Variants in PIP5K1C observed in about 807,000 individuals in gnomAD.
PIP5K1C encodes the protein phosphatidylinositol-4-phosphate 5-kinase type 1 gamma, also known as phosphatidylinositol 4-phosphate 5-kinase type-1 gamma.
A neutral mutation model predicts 80.1 loss-of-function variants in PIP5K1C; 45 were observed. That is an observed-to-expected ratio of 0.56 (90% CI 0.44 to 0.72). The LOEUF is 0.72. Among genes scored for constraint, PIP5K1C ranks in the 30% least tolerant of loss-of-function variants. The probability of loss-of-function intolerance (pLI) is 0.00; values close to 1 mark genes in which losing one functional copy is unlikely to be tolerated. For missense variants in PIP5K1C, 753 were observed against 954.6 expected, an observed-to-expected ratio of 0.79 and a Z score of 2.78; for synonymous variants, 498 against 420.1, an observed-to-expected ratio of 1.19 and a Z score of -2.27.
intron 1 of PIP5K1C, among the ~76,000 whole-genome samples, chr19:3,671,871 A>G (rs2035217035): frequency 6.6e-6 from 1 of 152,224 alleles, no homozygotes; most frequent in African/African-American, 2.4e-5. Flanking sequence ...GCTCAGCCTG[A>G]GACGTGACTA....
chr19:3,666,887 C>T (rs956430548), intron 2 of PIP5K1C, among the ~76,000 whole-genome samples: 20 of 152,376 alleles, frequency 1.3e-4, no homozygotes, highest in African/African-American at 4.8e-4. Context: ...ACACTGAGGG[C>T]GTGGGTGCAG....
In PIP5K1C at chr19:3,700,451, C is replaced by T; in HGVS notation, c.-61G>A. 6.4e-6 allele frequency: 6 copies of T among 934,384 alleles called. No homozygotes were observed. The highest frequency in any genetic ancestry group is 7.7e-6 in the Non-Finnish European group (6 of 775,352). The allele number at this position is 934,384 out of a possible 1,614,324, so 57.9% of individuals were successfully genotyped here. A position where few individuals can be genotyped will look rare whatever the true frequency, so the allele number is the denominator to read the frequency against. On this transcript the variant is annotated 5_prime_UTR_variant, in exon 1 of 18. Coordinates refer to ENST00000335312, the MANE Select transcript of PIP5K1C (RefSeq NM_012398.3). Reference sequence around the variant, plus strand: ...GGACCCGAGCTGCGACCGCCGCCGCCGAACAACAAGCGCCGCCGGCCAAGG... The same window carrying T: ...GGACCCGAGCTGCGACCGCCGCCGCTGAACAACAAGCGCCGCCGGCCAAGG...
Position 3,637,378 on chromosome 19 carries a change from C to G in PIP5K1C, c.1920+1506G>C, listed in dbSNP as rs916667965. The G allele has an allele frequency of 3.1e-5, 48 of 1,535,332 alleles. No individual in the cohort carries two copies. Among genetic ancestry groups the G allele is most frequent in the Non-Finnish European group, 4.2e-5 (48 of 1,146,728 alleles). On this transcript the variant is annotated intron_variant, in intron 16 of 17. Transcript: ENST00000335312. The surrounding 1 kb of genome is among the most constrained non-coding windows in gnomAD (Gnocchi z 7.0). ...ATGCAGCCCAGCGCCTGGTCCGGGGCCAGCGTGGCTGACCTCAATTGCAGC... is the reference window on the plus strand; with the variant it reads ...ATGCAGCCCAGCGCCTGGTCCGGGGGCAGCGTGGCTGACCTCAATTGCAGC...
chr19:3,659,145 G>T (rs528755347), intron 5 of PIP5K1C, among the ~76,000 whole-genome samples: 1 of 152,152 alleles, frequency 6.6e-6, no homozygotes, highest in Non-Finnish European at 1.5e-5. Context: ...AGTCCCCTCC[G>T]AACCCTACCT....
chr19:3,687,768 C>A lies in PIP5K1C; in HGVS notation c.94+12529G>T, dbSNP rs1023499854. Reference sequence around the variant, plus strand: ...AGTAGTAGGCCGCCCCTCTTCCTTGCCCCTTCTCCCTTCTCCCTGCCGGGT... The same window carrying A: ...AGTAGTAGGCCGCCCCTCTTCCTTGACCCTTCTCCCTTCTCCCTGCCGGGT... On this transcript the variant is annotated intron_variant, in intron 1 of 17. Transcript: ENST00000335312. 5.3e-5 allele frequency among the ~76,000 whole-genome samples: 8 copies of A among 152,222 alleles called. No homozygotes were observed. The East Asian group carries it at 1.6e-3, about 30-fold the overall frequency.
At chr19:3,633,804 G>A (rs910642210) in intron 16 of PIP5K1C, among the ~76,000 whole-genome samples, 9 of 152,048 alleles carry the variant, frequency 5.9e-5, no homozygotes, top group Non-Finnish European at 1.3e-4. Context: ...TGACAGAGCC[G>A]GCGGAAGCGG....
chr19:3,676,237 C>T (rs1252763505), intron 1 of PIP5K1C, among the ~76,000 whole-genome samples: 1 of 152,158 alleles, frequency 6.6e-6, no homozygotes, highest in Non-Finnish European at 1.5e-5. Context: ...ACTGATGGTC[C>T]CCACCGGGAA....
chr19:3,644,002 C>G, intron 12 of PIP5K1C, 85 bp downstream of exon 12: 2 of 1,490,952 alleles, frequency 1.3e-6, no homozygotes, highest in Non-Finnish European at 1.8e-6. Flanking sequence ...GATGGGCACT[C>G]AGGATGAGGC....
At chr19:3,642,431 C>A (rs542440966) in intron 14 of PIP5K1C, among the ~76,000 whole-genome samples, 2 of 152,312 alleles carry the variant, frequency 1.3e-5, no homozygotes, top group South Asian at 2.1e-4. Flanking sequence ...CCCTGAGATC[C>A]CCGTCAGTCG....
At chr19:3,677,512 G>C (rs987185002) in intron 1 of PIP5K1C, among the ~76,000 whole-genome samples, 2 of 151,906 alleles carry the variant, frequency 1.3e-5, no homozygotes, top group Non-Finnish European at 2.9e-5. Flanking sequence ...AAACCTGGGA[G>C]GCGGAGGTTG....
At chr19:3,678,477 G>GC (rs1473249685) in intron 1 of PIP5K1C, among the ~76,000 whole-genome samples, 2 of 131,630 alleles carry the variant, frequency 1.5e-5, no homozygotes, top group Non-Finnish European at 3.3e-5. Context: ...TGGAGGGATG[G>GC]AGGAGGGATG....
rs185378556 is a variant in PIP5K1C, at chr19:3,647,625, G to A, written c.1212-239C>T. ...GAACCATCTGGTCCCAATGTCCATA[G>A]TACCGAGGGGGTGACTGTTTTTAAA... On this transcript the variant is annotated intron_variant, in intron 9 of 17. Transcript: ENST00000335312. 4.2e-4 allele frequency among the ~76,000 whole-genome samples: 64 copies of A among 152,290 alleles called. 1 individual carries two copies. The highest frequency in any genetic ancestry group is 3.7e-3 in the East Asian group (19 of 5,170).
chr19:3,647,736 C>T (rs1195091955), intron 9 of PIP5K1C, among the ~76,000 whole-genome samples: 1 of 152,216 alleles, frequency 6.6e-6, no homozygotes, highest in African/African-American at 2.4e-5. Flanking sequence ...CACCTGAGAT[C>T]AGGAGTTCAA....
chr19:3,665,539 A>C (rs2034978762), intron 2 of PIP5K1C, among the ~76,000 whole-genome samples: 1 of 152,140 alleles, frequency 6.6e-6, no homozygotes, highest in South Asian at 2.1e-4. Context: ...GGCCAGCCTC[A>C]GAGCATCTCA....
rs951186348 is a variant in PIP5K1C, at chr19:3,652,870, G to A, written c.921+420C>T. Among the ~76,000 whole-genome samples, 10 of 152,146 alleles carry A rather than the reference G, an allele frequency of 6.6e-5. 1 individual carries two copies. Among genetic ancestry groups the A allele is most frequent in the Non-Finnish European group, 1.3e-4 (9 of 68,036 alleles). ...TGAAGGCTGGGCTCTTCTCTGGGGGGTGGGGGGACTCTACCACTGTCATCG... is the reference window on the plus strand; with the variant it reads ...TGAAGGCTGGGCTCTTCTCTGGGGGATGGGGGGACTCTACCACTGTCATCG... On this transcript the variant is annotated intron_variant, in intron 7 of 17. Transcript: ENST00000335312.
At chr19:3,656,802 GCTGCT>G (rs1484552240) in intron 5 of PIP5K1C, among the ~76,000 whole-genome samples, 1 of 152,218 alleles carries the variant, frequency 6.6e-6, no homozygotes, top group Non-Finnish European at 1.5e-5. Flanking sequence ...CAGGCTGCCT[GCTGCT>G]CTCCTTAGGA....
chr19:3,666,906 C>T (rs533711935), intron 2 of PIP5K1C, among the ~76,000 whole-genome samples: 47 of 152,396 alleles, frequency 3.1e-4, no homozygotes, highest in African/African-American at 1.1e-3. Flanking sequence ...AGCTGGTAGC[C>T]TCGGGCATCG....
chr19:3,651,055 G>GTTT (rs60438258), intron 8 of PIP5K1C, among the ~76,000 whole-genome samples: 19,423 of 127,042 alleles, frequency 0.15, 2,085 homozygotes, highest in African/African-American at 0.25. Flanking sequence ...CGCGCCCAGC[G>GTTT]TTTTTTTTTT....
intron 6 of PIP5K1C, among the ~76,000 whole-genome samples, chr19:3,655,649 A>G (rs897625486): frequency 1.3e-5 from 2 of 152,144 alleles, no homozygotes; most frequent in Admixed American, 6.5e-5. Context: ...CTGGGCCTTT[A>G]AAGACTGAGT....
Sources: allele counts gnomAD v4.1 joint callset (sites outside exome capture counted in the v4.1 genomes callset), GRCh38; gene constraint gnomAD v4.1.1; non-coding constraint Gnocchi (gnomAD v3.1); transcripts MANE v1.5; gene names NCBI Gene and HGNC (gene_info 2026-07-23, HGNC 2026-07-21).